The following CUL3 variants were observed in gnomAD, a reference collection of about 807,000 sequenced individuals.
CUL3 encodes the protein cullin 3.
CUL3 carries 19 observed loss-of-function variants against 89.1 expected under a neutral mutation model. That is an observed-to-expected ratio of 0.21 (90% CI 0.15 to 0.31). The LOEUF is 0.31. Ranked by LOEUF, CUL3 falls within the 10% of genes least tolerant of loss-of-function variation. CUL3 has a pLI of 1.00. For missense variants in CUL3, 469 were observed against 942.3 expected, an observed-to-expected ratio of 0.50 and a Z score of 6.58; for synonymous variants, 351 against 308.4, an observed-to-expected ratio of 1.14 and a Z score of -1.45.
At chr2:224,496,053 C>T (rs1692158648) in intron 12 of CUL3, 87 bp from the exon 13 acceptor site, 1 of 1,409,328 alleles carries the variant, frequency 7.1e-7, no homozygotes. Context: ...ATGTATGTTA[C>T]AGGGTCTCAC....
At chr2:224,520,954 C>T (rs1417395552) in intron 3 of CUL3, among the ~76,000 whole-genome samples, 1 of 152,116 alleles carries the variant, frequency 6.6e-6, no homozygotes, top group African/African-American at 2.4e-5. Context: ...TGAAGCTAAA[C>T]CTATGCAAAG....
intron 1 of CUL3, among the ~76,000 whole-genome samples, chr2:224,570,897 A>G (rs1695166687): frequency 1.3e-5 from 2 of 152,246 alleles, no homozygotes; most frequent in Admixed American, 1.3e-4. Context: ...CAAAGACACA[A>G]GGTCAAGCTT....
intron 13 of CUL3, chr2:224,495,112 T>C (rs556787582): frequency 1.3e-5 from 2 of 150,260 alleles, no homozygotes; most frequent in Admixed American, 6.7e-5. Context: ...ACATAAAAGA[T>C]GCTCAACATC....
At chr2:224,510,119 C>T (rs187171250) in intron 6 of CUL3, among the ~76,000 whole-genome samples, 4 of 151,888 alleles carry the variant, frequency 2.6e-5, no homozygotes, top group Non-Finnish European at 4.4e-5. Flanking sequence ...ACTATGACTG[C>T]GTGGCTCACA....
chr2:224,482,646 A>G (rs536210420), intron 13 of CUL3, among the ~76,000 whole-genome samples: 1 of 152,038 alleles, frequency 6.6e-6, no homozygotes, highest in African/African-American at 2.4e-5. Context: ...TCTGTTTTGA[A>G]GTTCAGGTAA....
At chr2:224,575,748 A>G (rs990744138) in intron 1 of CUL3, among the ~76,000 whole-genome samples, 2 of 152,186 alleles carry the variant, frequency 1.3e-5, no homozygotes, top group South Asian at 2.1e-4. Flanking sequence ...TGATTTGCTC[A>G]AAGTCCTACA....
intron 1 of CUL3, among the ~76,000 whole-genome samples, chr2:224,583,780 T>G (rs1695500745): frequency 6.6e-6 from 1 of 152,206 alleles, no homozygotes; most frequent in African/African-American, 2.4e-5. Flanking sequence ...TTGACTCAAC[T>G]GGGGCAATCA....
At chr2:224,558,354 A>T (rs1218430791) in intron 1 of CUL3, among the ~76,000 whole-genome samples, 2 of 152,202 alleles carry the variant, frequency 1.3e-5, no homozygotes, top group East Asian at 3.8e-4. Flanking sequence ...TCCACTAGTC[A>T]GTCTACTCAC....
At chr2:224,576,665 C>G (rs757730092) in intron 1 of CUL3, among the ~76,000 whole-genome samples, 1 of 114,428 alleles carries the variant, frequency 8.7e-6, no homozygotes, top group Non-Finnish European at 1.6e-5. Flanking sequence ...CACAACCTAA[C>G]CTAGTTCAGG....
At chr2:224,501,507 T>C (rs142647657) in intron 10 of CUL3, among the ~76,000 whole-genome samples, 1 of 152,388 alleles carries the variant, frequency 6.6e-6, no homozygotes, top group East Asian at 1.9e-4. Flanking sequence ...GGATGTGTTA[T>C]AAACCATCAT....
chr2:224,512,006 G>A (rs1248550924), intron 5 of CUL3, among the ~76,000 whole-genome samples: 1 of 152,100 alleles, frequency 6.6e-6, no homozygotes, highest in Non-Finnish European at 1.5e-5. Flanking sequence ...GGTTAATTAA[G>A]TCTTCCAGTG....
At chr2:224,510,830 A>T (rs1692796652) in intron 6 of CUL3, among the ~76,000 whole-genome samples, 1 of 152,180 alleles carries the variant, frequency 6.6e-6, no homozygotes, top group African/African-American at 2.4e-5. Flanking sequence ...CTCCTTTTCC[A>T]TTCTGTAACT....
At chr2:224,495,989 T>C in intron 12 of CUL3, 23 bp from the exon 13 acceptor site, 1 of 1,608,990 alleles carries the variant, frequency 6.2e-7, no homozygotes, top group Non-Finnish European at 8.5e-7. Flanking sequence ...TAAAAAAATA[T>C]AAACAAAGAC....
chr2:224,575,277 C>G (rs561926433), intron 1 of CUL3, among the ~76,000 whole-genome samples: 28 of 152,260 alleles, frequency 1.8e-4, no homozygotes, highest in African/African-American at 5.5e-4. Context: ...GGAGAGGAAG[C>G]TGACCAGGGA....
intron 1 of CUL3, among the ~76,000 whole-genome samples, chr2:224,581,395 C>CAA (rs558137750): frequency 3.7e-5 from 3 of 81,856 alleles, no homozygotes; most frequent in Admixed American, 1.3e-4. Flanking sequence ...GTTTCCATCT[C>CAA]AAAAAAAAAA....
At chr2:224,564,039 A>C (rs1204242402) in intron 1 of CUL3, among the ~76,000 whole-genome samples, 1 of 152,206 alleles carries the variant, frequency 6.6e-6, no homozygotes, top group African/African-American at 2.4e-5. Context: ...TAATCCCAGC[A>C]CTTTGGGAGG....
intron 13 of CUL3, among the ~76,000 whole-genome samples, chr2:224,486,385 A>C (rs1337640575): frequency 1.3e-5 from 2 of 152,114 alleles, no homozygotes; most frequent in Non-Finnish European, 2.9e-5. Context: ...GGTTACAGGA[A>C]CTGCTAACTA....
chr2:224,581,370 T>G (rs1239949744), intron 1 of CUL3, among the ~76,000 whole-genome samples: 2 of 148,326 alleles, frequency 1.3e-5, no homozygotes, highest in Non-Finnish European at 3.0e-5. Flanking sequence ...CACTTCAGCC[T>G]GGGTGACAGA....
intron 13 of CUL3, among the ~76,000 whole-genome samples, chr2:224,486,527 G>T (rs1691729327): frequency 6.6e-6 from 1 of 151,746 alleles, no homozygotes; most frequent in African/African-American, 2.4e-5. Flanking sequence ...AAAGACAGAA[G>T]ATCAACTTAA....
Sources: allele counts gnomAD v4.1 joint callset (sites outside exome capture counted in the v4.1 genomes callset), GRCh38; gene constraint gnomAD v4.1.1; transcripts MANE v1.5; gene names NCBI Gene and HGNC (gene_info 2026-07-23, HGNC 2026-07-21).